CSNK2A2IP: variants seen among roughly 807,000 people sequenced by gnomAD.
CSNK2A2IP encodes the protein casein kinase 2 subunit alpha' interacting protein.
At chr3:88,414,590 T>G in the CSNK2A2IP span, among the ~76,000 whole-genome samples, 2 of 151,974 alleles carry the variant, frequency 1.3e-5, no homozygotes, top group African/African-American at 2.4e-5. Context: ...CCAACAAAGA[T>G]TTTTTAACAG....
At chr3:88,357,351 C>T in the CSNK2A2IP span, among the ~76,000 whole-genome samples, 91 of 151,994 alleles carry the variant, frequency 6.0e-4, no homozygotes, top group East Asian at 0.012. Context: ...AGTGTATGTT[C>T]TTGGCACTTT....
the CSNK2A2IP span, among the ~76,000 whole-genome samples, chr3:88,406,075 T>C: frequency 3.3e-5 from 5 of 152,114 alleles, no homozygotes; most frequent in Admixed American, 6.5e-5. Flanking sequence ...ATCTTTTAAC[T>C]AACCTCATTG....
the CSNK2A2IP span, among the ~76,000 whole-genome samples, chr3:88,437,451 A>C: frequency 6.6e-6 from 1 of 152,228 alleles, no homozygotes; most frequent in South Asian, 2.1e-4. Flanking sequence ...ACTGAAGTTG[A>C]GCAGTAAGTA....
chr3:88,450,170 A>G, the CSNK2A2IP span, among the ~76,000 whole-genome samples: 3 of 151,942 alleles, frequency 2.0e-5, no homozygotes, highest in South Asian at 6.2e-4. Context: ...CACCCAGCCT[A>G]ATATTTTTTA....
At chr3:88,345,109 C>A in the CSNK2A2IP span, among the ~76,000 whole-genome samples, 1 of 151,946 alleles carries the variant, frequency 6.6e-6, no homozygotes, top group Non-Finnish European at 1.5e-5. Context: ...TCTTCCCAGT[C>A]TCTGCAAATA....
the CSNK2A2IP span, chr3:88,465,432 A>G: frequency 2.7e-5 from 33 of 1,231,576 alleles, no homozygotes; most frequent in Non-Finnish European, 3.3e-5. Flanking sequence ...CAGCCAATAC[A>G]TTAACACATC....
At chr3:88,467,237 C>CCT in the CSNK2A2IP span, 16 of 401,368 alleles carry the variant, frequency 4.0e-5, no homozygotes, top group Non-Finnish European at 8.8e-6. Context: ...TCCTCCTCCT[C>CCT]CTCTGTTGCC....
the CSNK2A2IP span, among the ~76,000 whole-genome samples, chr3:88,444,622 A>G: frequency 2.0e-5 from 3 of 152,202 alleles, no homozygotes; most frequent in Non-Finnish European, 4.4e-5. Flanking sequence ...AATGTTATGT[A>G]TATGTGTTAA....
chr3:88,429,325 AT>A, the CSNK2A2IP span, among the ~76,000 whole-genome samples: 1 of 152,066 alleles, frequency 6.6e-6, no homozygotes, highest in Non-Finnish European at 1.5e-5. Flanking sequence ...TTTCATATAG[AT>A]GTTATTTACT....
the CSNK2A2IP span, among the ~76,000 whole-genome samples, chr3:88,407,013 T>A: frequency 6.6e-6 from 1 of 152,208 alleles, no homozygotes; most frequent in Non-Finnish European, 1.5e-5. Context: ...TTGTAGCATG[T>A]AATGCTGTTA....
chr3:88,360,429 G>A, the CSNK2A2IP span, among the ~76,000 whole-genome samples: 664 of 152,220 alleles, frequency 4.4e-3, 5 homozygotes, highest in African/African-American at 0.015. Context: ...CACTGCGCCC[G>A]GCCAAGAGTT....
chr3:88,464,862 G>A, the CSNK2A2IP span, among the ~76,000 whole-genome samples: 1 of 152,004 alleles, frequency 6.6e-6, no homozygotes, highest in Non-Finnish European at 1.5e-5. Flanking sequence ...TTATTCTTTA[G>A]CCCAATAAGT....
chr3:88,357,658 G>C, the CSNK2A2IP span, among the ~76,000 whole-genome samples: 1 of 152,038 alleles, frequency 6.6e-6, no homozygotes, highest in Non-Finnish European at 1.5e-5. Flanking sequence ...TGAATCTGTA[G>C]ATTTCTTTGG....
At chr3:88,442,029 G>T in the CSNK2A2IP span, among the ~76,000 whole-genome samples, 2 of 152,060 alleles carry the variant, frequency 1.3e-5, no homozygotes, top group African/African-American at 4.8e-5. Context: ...TTTAAAAAAT[G>T]AATAGCTTTA....
chr3:88,344,875 A>C, the CSNK2A2IP span, among the ~76,000 whole-genome samples: 3,878 of 152,042 alleles, frequency 0.026, 104 homozygotes, highest in East Asian at 0.074. Context: ...ACTCCATCCC[A>C]CATCTGAAAT....
the CSNK2A2IP span, among the ~76,000 whole-genome samples, chr3:88,422,509 C>G: frequency 6.6e-6 from 1 of 152,194 alleles, no homozygotes; most frequent in African/African-American, 2.4e-5. Flanking sequence ...AAGTCTAACA[C>G]TTGTGGTCCA....
the CSNK2A2IP span, among the ~76,000 whole-genome samples, chr3:88,426,888 A>AAGG: frequency 1.7e-5 from 1 of 57,936 alleles, no homozygotes; most frequent in Non-Finnish European, 4.6e-5. Context: ...ACCACGGGGG[A>AAGG]TGGGGGGGGG....
At chr3:88,444,184 A>G in the CSNK2A2IP span, among the ~76,000 whole-genome samples, 2 of 152,084 alleles carry the variant, frequency 1.3e-5, no homozygotes, top group Non-Finnish European at 2.9e-5. Context: ...TTTTCTTGGG[A>G]TGACTTAAAG....
the CSNK2A2IP span, among the ~76,000 whole-genome samples, chr3:88,464,781 C>T: frequency 1.3e-5 from 2 of 151,940 alleles, no homozygotes; most frequent in Non-Finnish European, 2.9e-5. Flanking sequence ...TAAAAGAGCA[C>T]CAGTGATAAC....
Sources: gnomAD v4.1 joint callset for allele counts (sites outside exome capture counted in the v4.1 genomes callset) on GRCh38, gnomAD v4.1.1 for gene constraint, MANE v1.5 for transcripts, NCBI Gene and HGNC (gene_info 2026-07-23, HGNC 2026-07-21) for gene names.